The following MAP3K7CL variants were observed in gnomAD, a reference collection of about 807,000 sequenced individuals.
MAP3K7CL encodes MAP3K7 C-terminal like, also known as MAP3K7 C-terminal-like protein.
MAP3K7CL carries 16 observed loss-of-function variants against 18.6 expected under a neutral mutation model. The observed-to-expected ratio is 0.86, with a 90% CI of 0.58 to 1.31. The LOEUF (loss-of-function observed/expected upper bound fraction) is 1.31, where lower values mean the gene tolerates loss of function less well. Ranked by LOEUF, MAP3K7CL falls within the 50% of genes most tolerant of loss-of-function variation. The probability of loss-of-function intolerance (pLI) is 0.00; values close to 1 mark genes in which losing one functional copy is unlikely to be tolerated. For synonymous variants in MAP3K7CL, 65 were observed against 66.8 expected (o/e 0.97, Z 0.13); for missense variants, 163 against 174.4 (o/e 0.93, Z 0.37).
intron 4 of MAP3K7CL, among the ~76,000 whole-genome samples, chr21:29,115,591 C>T (rs373429348): frequency 2.9e-4 from 44 of 152,282 alleles, no homozygotes; most frequent in African/African-American, 9.4e-4. Flanking sequence ...ATTTGACCTC[C>T]CTTTACCTCC....
chr21:29,146,942 T>C (rs1292632599), intron 2 of MAP3K7CL, among the ~76,000 whole-genome samples: 2 of 152,218 alleles, frequency 1.3e-5, no homozygotes, highest in African/African-American at 4.8e-5. Context: ...CTGCATTTTA[T>C]TCTGGACTGT....
At chr21:29,140,925 G>A (rs1406773131) in intron 2 of MAP3K7CL, among the ~76,000 whole-genome samples, 1 of 152,088 alleles carries the variant, frequency 6.6e-6, no homozygotes, top group Non-Finnish European at 1.5e-5. Flanking sequence ...CTACAGGCAT[G>A]TACCATGATA....
At chr21:29,120,306 G>A (rs1386011464) in intron 4 of MAP3K7CL, among the ~76,000 whole-genome samples, 1 of 152,086 alleles carries the variant, frequency 6.6e-6, no homozygotes, top group Admixed American at 6.5e-5. Flanking sequence ...TCCTACAAAG[G>A]CAATTTGAGC....
chr21:29,098,493 A>G (rs2086163110), intron 4 of MAP3K7CL, among the ~76,000 whole-genome samples: 2 of 152,226 alleles, frequency 1.3e-5, no homozygotes, highest in Admixed American at 6.5e-5. Context: ...ATTTCTTGAG[A>G]AAAAAAGGAA....
At chr21:29,164,024 C>T (rs901124069) in intron 4 of MAP3K7CL, among the ~76,000 whole-genome samples, 4 of 151,464 alleles carry the variant, frequency 2.6e-5, no homozygotes, top group South Asian at 2.1e-4. Context: ...TGCTCGAACT[C>T]GGGAGGTGGA....
chr21:29,124,353 CAAAAAAAAA>C (rs59499297), intron 4 of MAP3K7CL, among the ~76,000 whole-genome samples: 1 of 78,608 alleles, frequency 1.3e-5, no homozygotes, highest in Non-Finnish European at 2.4e-5. Context: ...GACTCCGTCT[CAAAAAAAAA>C]AAAAAAAAAA....
intron 1 of MAP3K7CL, among the ~76,000 whole-genome samples, chr21:29,089,229 G>A (rs1158288850): frequency 6.9e-6 from 1 of 144,258 alleles, no homozygotes; most frequent in East Asian, 2.1e-4. Context: ...TGTCTGGCAT[G>A]GATCTCCCAG....
chr21:29,141,927 GCTA>G (rs1056426229), intron 2 of MAP3K7CL, among the ~76,000 whole-genome samples: 10 of 151,628 alleles, frequency 6.6e-5, no homozygotes, highest in African/African-American at 2.4e-4. Context: ...ATGTGCATTG[GCTA>G]CTTTTTATCA....
At chr21:29,078,898 G>A (rs777446559) in intron 1 of MAP3K7CL, among the ~76,000 whole-genome samples, 3 of 152,120 alleles carry the variant, frequency 2.0e-5, no homozygotes, top group Non-Finnish European at 2.9e-5. Flanking sequence ...TGACTGATTC[G>A]ACTGGTAAAG....
chr21:29,128,448 G>A (rs564320849), upstream of MAP3K7CL, among the ~76,000 whole-genome samples: 6 of 151,972 alleles, frequency 3.9e-5, no homozygotes, highest in African/African-American at 7.2e-5. Flanking sequence ...GGCTACAGGC[G>A]CCCACCACCA....
intron 1 of MAP3K7CL, among the ~76,000 whole-genome samples, chr21:29,088,534 A>T (rs138750271): frequency 1.3e-3 from 198 of 152,354 alleles, no homozygotes; most frequent in African/African-American, 4.3e-3. Context: ...GTTTTGTTTA[A>T]TAGGTTAAAA....
intron 4 of MAP3K7CL, among the ~76,000 whole-genome samples, chr21:29,123,628 C>T (rs1264060691): frequency 6.6e-6 from 1 of 152,106 alleles, no homozygotes; most frequent in Non-Finnish European, 1.5e-5. Context: ...TGTGTCCGGA[C>T]TTTGGATCTT....
At chr21:29,142,208 G>GT (rs918236824) in intron 2 of MAP3K7CL, among the ~76,000 whole-genome samples, 5 of 152,212 alleles carry the variant, frequency 3.3e-5, no homozygotes, top group Middle Eastern at 3.4e-3. Flanking sequence ...GGGACGTCAG[G>GT]TGTGCGCCAC....
At chr21:29,081,675 T>G (rs2085838344), upstream of MAP3K7CL, among the ~76,000 whole-genome samples, 1 of 152,262 alleles carries the variant, frequency 6.6e-6, no homozygotes, top group Non-Finnish European at 1.5e-5. Flanking sequence ...TACTCTTTCT[T>G]TTATTATGAA....
At chr21:29,168,414 G>A (rs919768236) in intron 4 of MAP3K7CL, among the ~76,000 whole-genome samples, 3 of 152,220 alleles carry the variant, frequency 2.0e-5, no homozygotes, top group Non-Finnish European at 4.4e-5. Context: ...GAGCAAATGA[G>A]TAGAAGAGCA....
chr21:29,091,782 C>G (rs984883683), intron 3 of MAP3K7CL: 56 of 701,610 alleles, frequency 8.0e-5, no homozygotes, highest in Non-Finnish European at 1.1e-4. Context: ...CTGCACCTGG[C>G]CTGTCCATTC....
intron 4 of MAP3K7CL, among the ~76,000 whole-genome samples, chr21:29,169,621 T>C (rs932428603): frequency 6.6e-6 from 1 of 152,180 alleles, no homozygotes; most frequent in African/African-American, 2.4e-5. Flanking sequence ...CTTTCCCAAA[T>C]AAAAGTCCCT....
chr21:29,104,759 A>G (rs555008834), intron 4 of MAP3K7CL, among the ~76,000 whole-genome samples: 4 of 152,336 alleles, frequency 2.6e-5, no homozygotes, highest in African/African-American at 9.6e-5. Context: ...TGCGCTTGCT[A>G]TGAACCACAG....
chr21:29,123,610 G>T (rs1394045251), intron 4 of MAP3K7CL, among the ~76,000 whole-genome samples: 1 of 152,188 alleles, frequency 6.6e-6, no homozygotes, highest in Non-Finnish European at 1.5e-5. Context: ...AAACTTAGCA[G>T]TCCATCATGT....
Sources: allele counts gnomAD v4.1 joint callset (sites outside exome capture counted in the v4.1 genomes callset), GRCh38; gene constraint gnomAD v4.1.1; transcripts MANE v1.5; gene names NCBI Gene and HGNC (gene_info 2026-07-23, HGNC 2026-07-21).